ANKRD24: variants seen among roughly 807,000 people sequenced by gnomAD.
ANKRD24 encodes ankyrin repeat domain 24.
A neutral mutation model predicts 127.8 loss-of-function variants in ANKRD24; 109 were observed. The ratio of observed to expected loss-of-function variants is 0.85; its 90% confidence interval spans 0.73 to 1.00. The LOEUF is 1.00. Ranked by LOEUF, ANKRD24 falls within the 50% of genes least tolerant of loss-of-function variation. ANKRD24 has a pLI of 0.00. For missense variants in ANKRD24, 1,648 were observed against 1,570.2 expected (o/e 1.05, Z -0.84); for synonymous variants, 743 against 671.1 (o/e 1.11, Z -1.66).
At chr19:4,203,785 T>A (rs1307466164) in intron 7 of ANKRD24, among the ~76,000 whole-genome samples, 1 of 151,970 alleles carries the variant, frequency 6.6e-6, no homozygotes, top group Non-Finnish European at 1.5e-5. Context: ...TAGCTGGGAC[T>A]ACAGACCTAT....
chr19:4,194,581 C>A (rs190957111), intron 2 of ANKRD24, among the ~76,000 whole-genome samples: 54 of 152,304 alleles, frequency 3.5e-4, no homozygotes, highest in Middle Eastern at 3.4e-3. Flanking sequence ...TGGGCAGGAT[C>A]TGGGCTGCTG....
intron 15 of ANKRD24, among the ~76,000 whole-genome samples, chr19:4,215,767 C>T (rs1432844632): frequency 1.8e-5 from 1 of 56,374 alleles, no homozygotes; most frequent in Non-Finnish European, 3.4e-5. Flanking sequence ...AGAGTAAGAC[C>T]CTGGCTCCAA....
intron 1 of ANKRD24, among the ~76,000 whole-genome samples, chr19:4,184,176 G>A (rs1275357643): frequency 1.3e-5 from 2 of 152,208 alleles, no homozygotes; most frequent in Non-Finnish European, 2.9e-5. Context: ...CCCCTGGGGC[G>A]GCCGCCTGCT....
chr19:4,210,105 G>A lies in ANKRD24; in HGVS notation c.918G>A (p.Lys306=). Residue 306 remains lysine, a synonymous_variant, in exon 12 of 22, where the codon AAG becomes AAA. Transcript: ENST00000318934. ...HGKQGAPKKR[K]APPPPASIPM... ...AGCAGGGGGCCCCCAAGAAGCGGAA[G>A]GCGCCTCCACCTCCCGCCAGCATTC... 1 of 1,612,292 alleles carries A rather than the reference G, an allele frequency of 6.2e-7. No individual in the cohort carries two copies. The highest frequency in any genetic ancestry group is 8.5e-7 in the Non-Finnish European group (1 of 1,179,336).
intron 7 of ANKRD24, chr19:4,207,010 G>A (rs1455383510): frequency 8.8e-6 from 5 of 571,122 alleles, no homozygotes; most frequent in Non-Finnish European, 9.3e-6. Context: ...AGCTCAAGCG[G>A]TCCTCCCGCT....
At chr19:4,194,093 G>C (rs352509) in intron 2 of ANKRD24, among the ~76,000 whole-genome samples, 121,492 of 152,054 alleles carry the variant, frequency 0.8, 49,609 homozygotes, top group Middle Eastern at 0.88. Flanking sequence ...GGCATCCAAC[G>C]ATCTACAAAT....
At position 4,216,058 on chromosome 19, in the gene ANKRD24, C is replaced by G. The variant is rs752260448; in HGVS notation, c.1270+8C>G. On this transcript the variant is annotated splice_region_variant and intron_variant, in intron 16 of 21. Coordinates refer to ENST00000318934, the MANE Select transcript of ANKRD24 (RefSeq NM_001393985.1). Reference sequence around the variant, plus strand: ...AGCTGCCTGACCTTCCAGGTGAGCCCCCACCTCCCCACGCACTCCCAGCCG... The same window carrying G: ...AGCTGCCTGACCTTCCAGGTGAGCCGCCACCTCCCCACGCACTCCCAGCCG... 6 of 1,585,858 alleles carry G rather than the reference C, an allele frequency of 3.8e-6. No individual in the cohort carries two copies. In the South Asian group the frequency reaches 6.9e-5, roughly 18 times the overall value.
intron 2 of ANKRD24, among the ~76,000 whole-genome samples, chr19:4,188,985 T>C (rs1262901358): frequency 1.3e-5 from 2 of 151,910 alleles, no homozygotes; most frequent in African/African-American, 4.8e-5. Context: ...ATATTTTGTA[T>C]TTTTAGTAGA....
intron 11 of ANKRD24, 192 bp downstream of exon 11, chr19:4,208,993 A>T: frequency 8.4e-6 from 4 of 474,246 alleles, no homozygotes; most frequent in East Asian, 4.2e-5. Context: ...CTGGGTGAGA[A>T]TACTGGATGG....
chr19:4,190,103 C>G (rs1568312361), intron 2 of ANKRD24, among the ~76,000 whole-genome samples: 1 of 152,130 alleles, frequency 6.6e-6, no homozygotes. Flanking sequence ...TGATAGTTGA[C>G]CCTTGAACAA....
At chr19:4,218,551 C>A (rs957144758) in intron 18 of ANKRD24, among the ~76,000 whole-genome samples, 2 of 152,096 alleles carry the variant, frequency 1.3e-5, no homozygotes, top group African/African-American at 4.8e-5. Context: ...CCACCCACCT[C>A]AGCCTCTCAA....
intron 5 of ANKRD24, among the ~76,000 whole-genome samples, chr19:4,201,235 A>C (rs1969079555): frequency 2.6e-5 from 4 of 152,128 alleles, no homozygotes; most frequent in African/African-American, 7.2e-5. Flanking sequence ...CTCAGGAGGC[A>C]ACTAGGCATG....
At chr19:4,208,925 T>C in intron 11 of ANKRD24, 124 bp downstream of exon 11, 2 of 1,048,484 alleles carry the variant, frequency 1.9e-6, no homozygotes, top group Non-Finnish European at 2.8e-6. Context: ...GAAAGAATGC[T>C]ACCTTCAGGG....
Position 4,216,316 on chromosome 19 carries a change from C to A in ANKRD24, c.1303C>A (p.Pro435Thr). ...AEVLLSRQLS[P>T]SAQEHLASLQ... ...GGTGCTGCTGTCCAGACAACTCAGT[C>A]CGTCGGCCCAGGAACACCTGGCCTC... is the stretch of plus-strand genomic sequence containing the variant. Residue 435 changes from proline (P) to threonine (T), a missense_variant, in exon 17 of 22, where the codon CCG becomes ACG. Transcript: ENST00000318934. 1 of 1,560,474 alleles carries A rather than the reference C, an allele frequency of 6.4e-7. No individual in the cohort carries two copies. Among genetic ancestry groups the A allele is most frequent in the South Asian group, 1.2e-5 (1 of 84,490 alleles).
Position 4,195,519 on chromosome 19 carries a change from A to AGT in ANKRD24, c.37-4163_37-4162dup, listed in dbSNP as rs748620126. Among the ~76,000 whole-genome samples, 7 of 152,136 alleles carry AGT rather than the reference A, an allele frequency of 4.6e-5. No individual in the cohort carries two copies. The highest frequency in any genetic ancestry group is 5.9e-5 in the Non-Finnish European group (4 of 68,018). On this transcript the variant is annotated intron_variant, in intron 2 of 21. Transcript: ENST00000318934. This position sits in a 1 kb window ranked among gnomAD's most constrained non-coding sequence, Gnocchi z 4.2. ...ACCCCCAAGGGTGGAAGGAGAGAAG[A>AGT]GTTCCAAGGACACCCTCCTTCCCAA...
rs751360042 is a variant in ANKRD24, at chr19:4,202,043, C to G, written c.361C>G (p.Leu121Val). Residue 121 changes from leucine to valine, a missense_variant, in exon 6 of 22, where the codon CTG becomes GTG. By Grantham distance (32) the Leu-to-Val change is conservative (BLOSUM62 1). Coordinates refer to ENST00000318934, the MANE Select transcript of ANKRD24 (RefSeq NM_001393985.1). ...TTCCCCAGGTTACAATGCCCTCCAC[C>G]TGGCCGCCAAATACGGGCACCCACA... ...ADGAGYNALH[L>V]AAKYGHPQCL... The G allele has an allele frequency of 6.2e-7, 1 of 1,613,884 alleles. No homozygotes were observed. The highest frequency in any genetic ancestry group is 1.1e-5 in the South Asian group (1 of 91,084).
At chr19:4,185,848 C>G (rs950274710) in intron 1 of ANKRD24, among the ~76,000 whole-genome samples, 3 of 152,264 alleles carry the variant, frequency 2.0e-5, no homozygotes, top group Admixed American at 6.5e-5. Flanking sequence ...AGGGGTGAGG[C>G]AGAGGCAGAG....
At chr19:4,185,785 C>T (rs1180204476) in intron 1 of ANKRD24, among the ~76,000 whole-genome samples, 3 of 152,190 alleles carry the variant, frequency 2.0e-5, no homozygotes, top group East Asian at 1.9e-4. Flanking sequence ...CCAGGGAGCC[C>T]CTGACTGTTG....
intron 2 of ANKRD24, among the ~76,000 whole-genome samples, chr19:4,193,870 A>AAGGAAGGAAGGAAGGAC (rs1968544305): frequency 7.8e-6 from 1 of 129,020 alleles, no homozygotes; most frequent in Non-Finnish European, 1.7e-5. Context: ...GAAGGAAGGA[A>AAGGAAGGAAGGAAGGAC]GGAAGGAAGG....
Sources: gnomAD v4.1 joint callset for allele counts (sites outside exome capture counted in the v4.1 genomes callset) on GRCh38, gnomAD v4.1.1 for gene constraint, Gnocchi (gnomAD v3.1) non-coding constraint, MANE v1.5 for transcripts, NCBI Gene and HGNC (gene_info 2026-07-23, HGNC 2026-07-21) for gene names.